Variants in PRKG1 observed in about 807,000 individuals in gnomAD.
PRKG1 encodes the protein cGMP-dependent protein kinase 1.
A neutral mutation model predicts 88.1 loss-of-function variants in PRKG1; 35 were observed. The ratio of observed to expected loss-of-function variants is 0.40; its 90% CI spans 0.30 to 0.53. The LOEUF is 0.53. PRKG1 is among the 20% of genes least tolerant of loss of function. The pLI, the probability that PRKG1 is intolerant of heterozygous loss-of-function variation, is 0.59. For missense variants in PRKG1, 540 were observed against 839.8 expected (o/e 0.64, Z 4.41); for synonymous variants, 303 against 292.5 (o/e 1.04, Z -0.37).
At chr10:51,136,564 T>C (rs1261875798) in intron 1 of PRKG1, among the ~76,000 whole-genome samples, 1 of 109,378 alleles carries the variant, frequency 9.1e-6, no homozygotes, top group African/African-American at 3.6e-5. Context: ...ATGAAGAACA[T>C]AGAGTTTTTA....
At chr10:51,874,429 G>A (rs1426829392) in intron 4 of PRKG1, among the ~76,000 whole-genome samples, 1 of 152,194 alleles carries the variant, frequency 6.6e-6, no homozygotes, top group Non-Finnish European at 1.5e-5. Context: ...AAAATATCAT[G>A]CAACTGTGAA....
intron 1 of PRKG1, among the ~76,000 whole-genome samples, chr10:51,118,570 G>T (rs1845188262): frequency 6.6e-6 from 1 of 152,060 alleles, no homozygotes; most frequent in African/African-American, 2.4e-5. Flanking sequence ...TGTTTTCCAT[G>T]AATTTTCTCG....
At chr10:51,098,542 G>T (rs1235078289) in intron 1 of PRKG1, among the ~76,000 whole-genome samples, 1 of 152,156 alleles carries the variant, frequency 6.6e-6, no homozygotes, top group African/African-American at 2.4e-5. Flanking sequence ...AAGGATGAAA[G>T]AGAGAAAATG....
At chr10:51,048,698 G>C (rs1364879007) in intron 1 of PRKG1, among the ~76,000 whole-genome samples, 1 of 152,156 alleles carries the variant, frequency 6.6e-6, no homozygotes, top group African/African-American at 2.4e-5. Context: ...ATAAGTCAAC[G>C]CTTGCAAATC....
intron 2 of PRKG1, among the ~76,000 whole-genome samples, chr10:51,354,301 A>G (rs1450496190): frequency 1.3e-5 from 2 of 152,068 alleles, no homozygotes; most frequent in Admixed American, 1.3e-4. Context: ...AAATAACTAA[A>G]AGAGTATAAT....
At chr10:51,213,831 G>T (rs1259338194) in intron 2 of PRKG1, among the ~76,000 whole-genome samples, 1 of 151,934 alleles carries the variant, frequency 6.6e-6, no homozygotes, top group Non-Finnish European at 1.5e-5. Flanking sequence ...TTAAGAAACT[G>T]AAAGAATATG....
chr10:51,231,715 T>A (rs1838849950), intron 2 of PRKG1, among the ~76,000 whole-genome samples: 1 of 152,092 alleles, frequency 6.6e-6, no homozygotes, highest in African/African-American at 2.4e-5. Flanking sequence ...GAAACATTTT[T>A]TTTTTTTTTT....
intron 4 of PRKG1, among the ~76,000 whole-genome samples, chr10:51,807,968 C>T (rs1284699054): frequency 1.3e-5 from 2 of 152,052 alleles, no homozygotes; most frequent in Non-Finnish European, 2.9e-5. Context: ...TTTTTCTGAG[C>T]TCCGAAAGCC....
intron 2 of PRKG1, among the ~76,000 whole-genome samples, chr10:51,341,393 CA>C (rs1186329760): frequency 6.6e-6 from 1 of 152,086 alleles, no homozygotes; most frequent in Non-Finnish European, 1.5e-5. Flanking sequence ...AGAGGCAGAA[CA>C]AAGAGAAGTA....
intron 7 of PRKG1, among the ~76,000 whole-genome samples, chr10:52,083,615 G>A (rs7071997): frequency 0.18 from 27,877 of 151,890 alleles, 2,751 homozygotes; most frequent in East Asian, 0.29. Flanking sequence ...TAAAATTGCC[G>A]CTTTGAGTTA....
intron 3 of PRKG1, among the ~76,000 whole-genome samples, chr10:51,537,457 G>A (rs1842185112): frequency 6.6e-6 from 1 of 152,086 alleles, no homozygotes; most frequent in African/African-American, 2.4e-5. Flanking sequence ...GAGAGGCCAG[G>A]CGTGGTGGCT....
chr10:52,253,625 A>G (rs1404954932), intron 10 of PRKG1, among the ~76,000 whole-genome samples: 2 of 151,700 alleles, frequency 1.3e-5, no homozygotes, highest in South Asian at 2.1e-4. Context: ...TATATCATAT[A>G]TATACATATA....
chr10:52,012,930 A>G (rs1482385293), intron 5 of PRKG1, among the ~76,000 whole-genome samples: 1 of 152,170 alleles, frequency 6.6e-6, no homozygotes, highest in Non-Finnish European at 1.5e-5. Flanking sequence ...TATTACTTCC[A>G]TTTATAAAGC....
intron 9 of PRKG1, among the ~76,000 whole-genome samples, chr10:52,223,493 T>C (rs1022748466): frequency 6.6e-6 from 1 of 152,164 alleles, no homozygotes; most frequent in Non-Finnish European, 1.5e-5. Flanking sequence ...CTTCCAATAG[T>C]TCTATGTCGG....
At chr10:51,802,208 T>C in intron 3 of PRKG1, among the ~76,000 whole-genome samples, 1 of 152,176 alleles carries the variant, frequency 6.6e-6, no homozygotes. Flanking sequence ...TTAGTCATGC[T>C]TGTCCATCTG....
At chr10:51,743,236 G>C (rs1364317218) in intron 3 of PRKG1, among the ~76,000 whole-genome samples, 2 of 152,138 alleles carry the variant, frequency 1.3e-5, no homozygotes, top group African/African-American at 2.4e-5. Context: ...ACAAAAGTCA[G>C]TCTTTGGCCT....
rs541301743 is a variant in PRKG1 at position 51,988,376 on chromosome 10, T to G, written c.763-66108T>G. ...TTCACTAAGATAAATAATGTTATAGTGAACCTACTTGTACTTGTATATGAT... is the reference window on the plus strand; with the variant it reads ...TTCACTAAGATAAATAATGTTATAGGGAACCTACTTGTACTTGTATATGAT... On this transcript the variant is annotated intron_variant, in intron 5 of 17. Transcript: ENST00000373980. Among the ~76,000 whole-genome samples the G allele has an allele frequency of 4.6e-5, 7 of 152,178 alleles. No individual in the cohort carries two copies. The East Asian group carries it at 9.6e-4, about 21-fold the overall frequency.
At chr10:51,192,434 G>A (rs570274468) in intron 2 of PRKG1, among the ~76,000 whole-genome samples, 1 of 151,906 alleles carries the variant, frequency 6.6e-6, no homozygotes, top group East Asian at 1.9e-4. Flanking sequence ...ATTCATATAT[G>A]TGACTATTTT....
intron 4 of PRKG1, among the ~76,000 whole-genome samples, chr10:51,814,799 C>T (rs1240681144): frequency 6.6e-6 from 1 of 152,078 alleles, no homozygotes; most frequent in African/African-American, 2.4e-5. Flanking sequence ...ACAATGTAAT[C>T]TCAGATATTT....
Sources: gnomAD v4.1 joint callset for allele counts (sites outside exome capture counted in the v4.1 genomes callset) on GRCh38, gnomAD v4.1.1 for gene constraint, MANE v1.5 for transcripts, NCBI Gene and HGNC (gene_info 2026-07-23, HGNC 2026-07-21) for gene names.